The following MYOM2 variants were observed in gnomAD, a reference collection of about 807,000 sequenced individuals.
The protein encoded by MYOM2 is myomesin-2.
A neutral mutation model predicts 187.6 loss-of-function variants in MYOM2; 254 were observed. That is an observed-to-expected ratio of 1.35 (90% CI 1.22 to 1.50). The LOEUF is 1.50. Among genes scored for constraint, MYOM2 ranks in the 40% most tolerant of loss-of-function variants. The probability of loss-of-function intolerance (pLI) is 0.00; values close to 1 mark genes in which losing one functional copy is unlikely to be tolerated. For missense variants in MYOM2, 2,796 were observed against 1,924.0 expected (o/e 1.45, Z -8.48); for synonymous variants, 981 against 753.8 (o/e 1.30, Z -4.94).
chr8:2,087,608 C>A (rs142174471), intron 14 of MYOM2, among the ~76,000 whole-genome samples: 2 of 152,274 alleles, frequency 1.3e-5, no homozygotes, highest in Non-Finnish European at 2.9e-5. Flanking sequence ...AGTTTGCAAA[C>A]ACTTTTTTGT....
chr8:2,067,378 A>G (rs1453048889), intron 6 of MYOM2, among the ~76,000 whole-genome samples: 3 of 152,134 alleles, frequency 2.0e-5, no homozygotes, highest in Non-Finnish European at 4.4e-5. Flanking sequence ...CATGGCTTGG[A>G]AAGGAGCTAC....
intron 13 of MYOM2, among the ~76,000 whole-genome samples, chr8:2,082,521 C>T (rs560010693): frequency 7.2e-5 from 11 of 152,214 alleles, no homozygotes; most frequent in Admixed American, 6.5e-4. Context: ...GACTTTTTGC[C>T]GAGTTTTTCT....
At chr8:2,108,704 G>A (rs1315474739) in intron 23 of MYOM2, 82 bp from the exon 24 acceptor site, 1 of 1,334,102 alleles carries the variant, frequency 7.5e-7, no homozygotes, top group Non-Finnish European at 1.1e-6. Context: ...TTCCAATCTT[G>A]CTCGTGTGTC....
At position 2,092,222 on chromosome 8, in the gene MYOM2, C is replaced by T. The variant is rs118160638; in HGVS notation, c.1829-124C>T. ...CCTCTCCTACTCCTGGACCCCTTGT[C>T]TGAATTTCTTCCAAAGCCCCCAGTC... On this transcript the variant is annotated intron_variant, in intron 15 of 36. Transcript: ENST00000262113. 1,868 of 1,185,048 alleles carry T rather than the reference C, an allele frequency of 1.6e-3. 32 individuals carry two copies. The East Asian group carries it at 0.038, about 24-fold the overall frequency. The allele number at this position is 1,185,048 out of a possible 1,614,324, so 73.4% of individuals were successfully genotyped here. A position where few individuals can be genotyped will look rare whatever the true frequency, so the allele number is the denominator to read the frequency against.
At chr8:2,116,322 A>G (rs951364126) in intron 27 of MYOM2, 47 bp downstream of exon 27, 1 of 1,554,244 alleles carries the variant, frequency 6.4e-7, no homozygotes, top group Non-Finnish European at 8.8e-7. Flanking sequence ...AGCATAAAGC[A>G]AAGATGATTG....
intron 28 of MYOM2, among the ~76,000 whole-genome samples, chr8:2,120,204 G>A (rs141419990): frequency 6.6e-6 from 1 of 152,124 alleles, no homozygotes; most frequent in African/African-American, 2.4e-5. Context: ...TTGGGGTCTT[G>A]CTGGATGGAA....
intron 21 of MYOM2, among the ~76,000 whole-genome samples, chr8:2,103,737 G>A (rs1796799009): frequency 6.7e-6 from 1 of 149,592 alleles, no homozygotes; most frequent in African/African-American, 2.5e-5. Flanking sequence ...ATGTATGGAT[G>A]GGTGTATGGA....
At chr8:2,093,726 A>T (rs947158170) in intron 16 of MYOM2, among the ~76,000 whole-genome samples, 1 of 152,176 alleles carries the variant, frequency 6.6e-6, no homozygotes, top group African/African-American at 2.4e-5. Context: ...GAAAGTACAA[A>T]AGCAAAGGTG....
chr8:2,069,598 T>C lies in MYOM2; in HGVS notation c.793+101T>C, dbSNP rs138420443. On this transcript the variant is annotated intron_variant, in intron 8 of 36. Coordinates refer to ENST00000262113, the MANE Select transcript of MYOM2 (RefSeq NM_003970.4). ...CTAAGGGCCAAATCTTTTTTTTTTT[T>C]TGAGACGGAGTCTCACTCTGTCACC... The C allele has an allele frequency of 7.7e-4, 1,090 of 1,424,686 alleles. 13 individuals are homozygous for C. The African/African-American group carries it at 0.013, about 18-fold the overall frequency. The allele number at this position is 1,424,686 out of a possible 1,614,324, so 88.3% of individuals were successfully genotyped here.
chr8:2,066,226 T>C (rs1219520659), intron 6 of MYOM2, among the ~76,000 whole-genome samples: 2 of 152,226 alleles, frequency 1.3e-5, no homozygotes, highest in Non-Finnish European at 2.9e-5. Flanking sequence ...GAACTGCCCG[T>C]GCACCTGCTC....
chr8:2,079,764 TC>T, intron 13 of MYOM2, 151 bp downstream of exon 13: 1 of 805,670 alleles, frequency 1.2e-6, no homozygotes, highest in Non-Finnish European at 2.1e-6. Context: ...AAGCCCAGTG[TC>T]CATAGAAGTT....
intron 25 of MYOM2, among the ~76,000 whole-genome samples, chr8:2,112,490 C>CAGGG (rs1797100729): frequency 6.6e-6 from 1 of 151,894 alleles, no homozygotes; most frequent in African/African-American, 2.4e-5. Context: ...AATAGCGACA[C>CAGGG]AGGGAAGTGG....
chr8:2,046,560 G>A (rs1438385377), intron 1 of MYOM2, among the ~76,000 whole-genome samples: 1 of 152,140 alleles, frequency 6.6e-6, no homozygotes, highest in Non-Finnish European at 1.5e-5. Context: ...GGCTGTCCAA[G>A]CTGGGGGACT....
At chr8:2,125,443 C>T (rs551700372) in intron 31 of MYOM2, among the ~76,000 whole-genome samples, 2 of 152,078 alleles carry the variant, frequency 1.3e-5, no homozygotes, top group African/African-American at 2.4e-5. Flanking sequence ...TTCCATTGGC[C>T]GATCTGTCTG....
At position 2,098,924 on chromosome 8, in the gene MYOM2, G is replaced by A. The variant is rs764744307; in HGVS notation, c.2381G>A (p.Gly794Glu). 4.6e-5 allele frequency: 74 copies of A among 1,613,332 alleles called. No individual in the cohort carries two copies. Among genetic ancestry groups the A allele is most frequent in the Non-Finnish European group, 5.5e-5 (65 of 1,179,818 alleles). Residue 794 changes from glycine to glutamate, a missense_variant, in exon 19 of 37, where the codon GGG becomes GAG. Coordinates refer to ENST00000262113, the MANE Select transcript of MYOM2 (RefSeq NM_003970.4). The part of the protein sequence containing the change: ...KIAAVNLAGI[G>E]EPSDPSEHFK... ...GCCGCCGTCAACCTGGCCGGCATCG[G>A]GGAGCCCTCAGATCCCAGTGAGCAC...
intron 2 of MYOM2, 138 bp from the exon 3 acceptor site, chr8:2,052,020 C>G (rs561174334): frequency 4.0e-6 from 4 of 1,006,624 alleles, no homozygotes; most frequent in East Asian, 4.9e-5. Context: ...CTCTCATATG[C>G]CTGTGCATGT....
rs549222054 is a variant in MYOM2, at chr8:2,106,737, G to A, written c.2998+140G>A. The A allele has an allele frequency of 8.2e-5, 50 of 607,682 alleles. No homozygotes were observed. In the East Asian group the frequency reaches 8.9e-4, roughly 11 times the overall value. 37.6% of individuals were successfully genotyped at this position (607,682 alleles called of 1,614,324 possible). A position where few individuals can be genotyped will look rare whatever the true frequency, so the allele number is the denominator to read the frequency against. On this transcript the variant is annotated intron_variant, in intron 23 of 36. Transcript: ENST00000262113. ...CTGGCGGTGGGGGCTATGTATATAA[G>A]CCAAAACTTGCTTTAGAAATTAAAC...
intron 23 of MYOM2, among the ~76,000 whole-genome samples, 182 bp from the exon 24 acceptor site, chr8:2,108,604 C>T (rs1796968355): frequency 6.6e-6 from 1 of 152,112 alleles, no homozygotes; most frequent in South Asian, 2.1e-4. Context: ...TAGGTGGGTT[C>T]TTTAAATGGT....
intron 31 of MYOM2, among the ~76,000 whole-genome samples, chr8:2,125,719 T>G (rs1217725677): frequency 6.9e-6 from 1 of 144,798 alleles, no homozygotes; most frequent in Non-Finnish European, 1.5e-5. Context: ...GCGATTTTCC[T>G]ACCTCAGTCT....
Sources: gnomAD v4.1 joint callset for allele counts (sites outside exome capture counted in the v4.1 genomes callset) on GRCh38, gnomAD v4.1.1 for gene constraint, MANE v1.5 for transcripts, NCBI Gene and HGNC (gene_info 2026-07-23, HGNC 2026-07-21) for gene names.